Variants in NIN observed in about 807,000 individuals in gnomAD.
NIN encodes the protein ninein.
Under a neutral mutation model 257.6 loss-of-function variants are expected in NIN, and 137 were observed. The observed-to-expected ratio is 0.53, with a 90% CI of 0.46 to 0.61. The LOEUF (loss-of-function observed/expected upper bound fraction) is 0.61, where lower values mean the gene tolerates loss of function less well. Ranked by LOEUF, NIN falls within the 20% of genes least tolerant of loss-of-function variation. NIN has a pLI of 0.00. For synonymous variants in NIN, 918 were observed against 919.8 expected (o/e 1.00, Z 0.04); for missense variants, 2,439 against 2,501.2 (o/e 0.98, Z 0.53).
In NIN at chr14:50,792,701, C is replaced by G. The variant is rs781155044; in HGVS notation, c.435+11G>C. On this transcript the variant is annotated intron_variant, in intron 5 of 30. Coordinates refer to ENST00000530997, the MANE Select transcript of NIN (RefSeq NM_020921.4). ...CATGATCCAGATGAACGTGCATGCC[C>G]GATTCCTTACCTCACTGCAGTCACC... 1.2e-6 allele frequency: 2 copies of G among 1,614,060 alleles called. No individual in the cohort carries two copies. Among genetic ancestry groups the G allele is most frequent in the African/African-American group, 1.3e-5 (1 of 75,024 alleles).
chr14:50,759,939 G>A lies in NIN; in HGVS notation c.2317C>T (p.Leu773=). 4 of 1,614,102 alleles carry A rather than the reference G, an allele frequency of 2.5e-6. No homozygotes were observed. Among genetic ancestry groups the A allele is most frequent in the Non-Finnish European group, 3.4e-6 (4 of 1,180,024 alleles). Residue 773 remains leucine, a synonymous_variant, in exon 17 of 31, where the codon CTG becomes TTG. Coordinates refer to ENST00000530997, the MANE Select transcript of NIN (RefSeq NM_020921.4). ...EQFHQEQLTS[L]VEKHTLEKEE... Reference sequence around the variant, plus strand: ...TTCTCAAGAGTGTGTTTCTCCACCAGGCTTGTCAGCTGCTCCTGGTGAAAC... The same window carrying A: ...TTCTCAAGAGTGTGTTTCTCCACCAAGCTTGTCAGCTGCTCCTGGTGAAAC...
chr14:50,777,174 G>C (rs755380822), intron 6 of NIN, 35 bp from the exon 7 acceptor site: 6 of 1,506,256 alleles, frequency 4.0e-6, no homozygotes, highest in Non-Finnish European at 5.4e-6. Context: ...GGTTTCCAAA[G>C]GAATTGCAAA....
In NIN at chr14:50,815,367, A is replaced by C. The variant is rs2044842566; in HGVS notation, c.183+6507T>G. ...GCCACCTCATGCCAGTCAGAATGGCAATCAATAAATAGTCCAGAAACAACA... is the reference window on the plus strand; with the variant it reads ...GCCACCTCATGCCAGTCAGAATGGCCATCAATAAATAGTCCAGAAACAACA... On this transcript the variant is annotated intron_variant, in intron 3 of 30. Coordinates refer to ENST00000530997, the MANE Select transcript of NIN (RefSeq NM_020921.4). Among the ~76,000 whole-genome samples, 3 of 152,330 alleles carry C rather than the reference A, an allele frequency of 2.0e-5. No individual in the cohort carries two copies. The South Asian group carries it at 6.2e-4, about 32-fold the overall frequency.
At position 50,760,327 on chromosome 14, in the gene NIN, G is replaced by A. The variant is rs1358402400; in HGVS notation, c.1929C>T (p.Thr643=). The A allele has an allele frequency of 8.1e-6, 13 of 1,606,644 alleles. No individual in the cohort carries two copies. Among genetic ancestry groups the A allele is most frequent in the Admixed American group, 1.7e-5 (1 of 59,982 alleles). ...VRHYEKQLDE[T]VVSCKKAQEN... ...CCTGTGCCTTCTTGCAGCTGACCAC[G>A]GTTTCGTCCAGCTGCTTTTCATAAT... The change falls in exon 17 of 31, where the codon ACC becomes ACT. Residue 643 remains threonine (T), a synonymous_variant. Coordinates refer to ENST00000530997, the MANE Select transcript of NIN (RefSeq NM_020921.4).
intron 7 of NIN, among the ~76,000 whole-genome samples, chr14:50,776,715 C>T (rs1227376325): frequency 6.6e-6 from 1 of 152,180 alleles, no homozygotes; most frequent in Non-Finnish European, 1.5e-5. Flanking sequence ...CATGGGGTAA[C>T]CTGCCTAGCA....
In NIN at chr14:50,789,251, G is replaced by A. The variant is rs529785013; in HGVS notation, c.435+3461C>T. Reference sequence around the variant, plus strand: ...ACAGAAGGGCTTCCAGCAACCAAAAGGGAGAAAAAAGCGGCCAGCAGTACA... The same window carrying A: ...ACAGAAGGGCTTCCAGCAACCAAAAAGGAGAAAAAAGCGGCCAGCAGTACA... On this transcript the variant is annotated intron_variant, in intron 5 of 30. Coordinates refer to ENST00000530997, the MANE Select transcript of NIN (RefSeq NM_020921.4). Among the ~76,000 whole-genome samples the A allele has an allele frequency of 4.6e-5, 7 of 152,322 alleles. No homozygotes were observed. The East Asian group carries it at 1.2e-3, about 25-fold the overall frequency.
At position 50,770,894 on chromosome 14, in the gene NIN, T is replaced by A; in HGVS notation, c.1217A>T (p.Asp406Val). The A allele has an allele frequency of 1.9e-6, 3 of 1,614,160 alleles. No homozygotes were observed. Among genetic ancestry groups the A allele is most frequent in the Non-Finnish European group, 2.5e-6 (3 of 1,180,014 alleles). The change falls in exon 11 of 31, where the codon GAT becomes GTT. Residue 406 changes from aspartate (D) to valine (V), a missense_variant. Asp to Val is a radical substitution (Grantham distance 152). Coordinates refer to ENST00000530997, the MANE Select transcript of NIN (RefSeq NM_020921.4). The stretch of plus-strand genomic sequence containing the variant: ...CCGCCGCTCTATGGCCGCATGGTGA[T>A]CATCCACCTCCGAGGCCATTAAAGA... ...LKSLMASEVD[D>V]HHAAIERRNE...
intron 25 of NIN, among the ~76,000 whole-genome samples, chr14:50,739,936 A>T (rs1301820679): frequency 6.6e-6 from 1 of 152,242 alleles, no homozygotes; most frequent in African/African-American, 2.4e-5. Context: ...GCTAAACTCT[A>T]CTTTCATTTT....
chr14:50,802,491 T>G (rs947299497), intron 4 of NIN, among the ~76,000 whole-genome samples: 1 of 152,226 alleles, frequency 6.6e-6, no homozygotes, highest in Non-Finnish European at 1.5e-5. Context: ...CATGAGAGCT[T>G]TGTTTTTATA....
At chr14:50,758,667 C>T (rs549895654) in intron 17 of NIN, 37 bp from the exon 18 acceptor site, 34 of 1,513,038 alleles carry the variant, frequency 2.2e-5, no homozygotes, top group South Asian at 1.3e-4. Flanking sequence ...TTGAAACTGC[C>T]GCCAACTCCA....
intron 15 of NIN, among the ~76,000 whole-genome samples, chr14:50,763,548 TTTTG>T (rs1566820714): frequency 6.6e-6 from 1 of 152,228 alleles, no homozygotes; most frequent in African/African-American, 2.4e-5. Flanking sequence ...GCAGCCAGTT[TTTTG>T]TTTGTTTTGT....
intron 4 of NIN, among the ~76,000 whole-genome samples, chr14:50,800,113 C>T (rs908626645): frequency 6.6e-6 from 1 of 151,844 alleles, no homozygotes; most frequent in Non-Finnish European, 1.5e-5. Context: ...TTTTAAATTA[C>T]ATGAGTATTT....
At chr14:50,724,376 G>A (rs1198325421) in intron 30 of NIN, 4 of 215,484 alleles carry the variant, frequency 1.9e-5, no homozygotes, top group Non-Finnish European at 3.7e-5. Flanking sequence ...AAAGGTTTAT[G>A]AGAATAAAGA....
chr14:50,755,014 C>T (rs751065888), intron 18 of NIN, 147 bp from the exon 19 acceptor site: 6 of 501,908 alleles, frequency 1.2e-5, no homozygotes, highest in African/African-American at 5.9e-5. Context: ...ATTTGGAAAT[C>T]GAGTTATGAC....
intron 4 of NIN, among the ~76,000 whole-genome samples, chr14:50,800,081 C>A (rs1353621669): frequency 2.0e-5 from 3 of 151,664 alleles, no homozygotes; most frequent in African/African-American, 7.3e-5. Context: ...TATCAAAATT[C>A]TCACCAGCCC....
chr14:50,804,085 C>T lies in NIN; in HGVS notation c.265+2652G>A, dbSNP rs140948834. ...TAATTTTTTGTATTGTTAGTAGAGA[C>T]GGGGTTTCGTCACGCTGGCCAGGCT... is the stretch of plus-strand genomic sequence containing the variant. On this transcript the variant is annotated intron_variant, in intron 4 of 30. Coordinates refer to ENST00000530997, the MANE Select transcript of NIN (RefSeq NM_020921.4). 1.7e-3 allele frequency among the ~76,000 whole-genome samples: 256 copies of T among 151,984 alleles called. 8 individuals are homozygous for T. The East Asian group carries it at 0.032, about 19-fold the overall frequency.
Position 50,719,817 on chromosome 14 carries a change from C to T in NIN, c.*3646G>A, listed in dbSNP as rs916104540. ...GTCAGGGTATATAGAAAACAAAAGG[C>T]ATGTTTGCAAAATTATTTATTTACA... is the stretch of plus-strand genomic sequence containing the variant. On this transcript the variant is annotated 3_prime_UTR_variant, in exon 31 of 31. Transcript: ENST00000530997. 1.0e-5 allele frequency: 2 copies of T among 193,560 alleles called. No homozygotes were observed. Among genetic ancestry groups the T allele is most frequent in the African/African-American group, 2.3e-5 (1 of 43,106 alleles). The allele number at this position is 193,560 out of a possible 1,614,324, so 12.0% of individuals were successfully genotyped here. A position where few individuals can be genotyped will look rare whatever the true frequency, so the allele number is the denominator to read the frequency against.
chr14:50,779,827 C>T (rs938537047), intron 5 of NIN, among the ~76,000 whole-genome samples: 4 of 151,826 alleles, frequency 2.6e-5, no homozygotes, highest in Non-Finnish European at 4.4e-5. Flanking sequence ...CAAGAATGAG[C>T]CTAGTGTATC....
intron 11 of NIN, 34 bp from the exon 12 acceptor site, chr14:50,770,596 C>G: frequency 6.2e-7 from 1 of 1,607,646 alleles, no homozygotes; most frequent in Non-Finnish European, 8.5e-7. Context: ...GCTGCCATCA[C>G]GTCTTTCAGA....
Sources: gnomAD v4.1 joint callset for allele counts (sites outside exome capture counted in the v4.1 genomes callset) on GRCh38, gnomAD v4.1.1 for gene constraint, MANE v1.5 for transcripts, NCBI Gene and HGNC (gene_info 2026-07-23, HGNC 2026-07-21) for gene names.